The following C12orf43 variants were observed in gnomAD, a reference collection of about 807,000 sequenced individuals.
C12orf43 encodes the protein protein CUSTOS.
In C12orf43, 15 loss-of-function variants were observed where a neutral mutation model predicts 20.6. The ratio of observed to expected loss-of-function variants is 0.73; its 90% CI spans 0.49 to 1.12. The LOEUF (loss-of-function observed/expected upper bound fraction) is 1.12. Ranked by LOEUF, C12orf43 falls within the 50% of genes most tolerant of loss-of-function variation. The probability of loss-of-function intolerance (pLI) is 0.00; values close to 1 mark genes in which losing one functional copy is unlikely to be tolerated. For synonymous variants in C12orf43, 144 were observed against 130.8 expected, an observed-to-expected ratio of 1.10 and a Z score of -0.69; for missense variants, 334 against 344.4, an observed-to-expected ratio of 0.97 and a Z score of 0.24.
chr12:121,012,353 G>A (rs1321938816), intron 1 of C12orf43: 2 of 701,568 alleles, frequency 2.9e-6, no homozygotes, highest in African/African-American at 3.5e-5. Flanking sequence ...GAAGGGCCCT[G>A]ACGTGGGCCA....
Position 121,000,992 on chromosome 12 carries a change from A to G in C12orf43, c.*3161T>C, listed in dbSNP as rs1877424344. The G allele has an allele frequency of 1.9e-6, 3 of 1,598,154 alleles. No homozygotes were observed. The highest frequency in any genetic ancestry group is 2.2e-5 in the South Asian group (2 of 90,512). Reference sequence around the variant, plus strand: ...GTGGCCCTGCCTCCCCATCCTGAGTACCCCTAGGGACAGGCAGGTGGGGTG... The same window carrying G: ...GTGGCCCTGCCTCCCCATCCTGAGTGCCCCTAGGGACAGGCAGGTGGGGTG... On this transcript the variant is annotated 3_prime_UTR_variant, in exon 6 of 6. Coordinates refer to ENST00000288757, the MANE Select transcript of C12orf43 (RefSeq NM_022895.3).
At chr12:121,013,960 C>A (rs1481819228) in intron 1 of C12orf43, among the ~76,000 whole-genome samples, 1 of 152,184 alleles carries the variant, frequency 6.6e-6, no homozygotes, top group Non-Finnish European at 1.5e-5. Context: ...AAACAGACAA[C>A]AAATACAAAG....
In C12orf43 at chr12:121,003,432, G is replaced by T. The variant is rs1033596046; in HGVS notation, c.*721C>A. The T allele has an allele frequency of 1.3e-5, 2 of 152,234 alleles. No individual in the cohort carries two copies. Among genetic ancestry groups the T allele is most frequent in the African/African-American group, 4.8e-5 (2 of 41,426 alleles). The allele number at this position is 152,234 out of a possible 1,614,324, so 9.4% of individuals were successfully genotyped here. A position where few individuals can be genotyped will look rare whatever the true frequency, so the allele number is the denominator to read the frequency against. On this transcript the variant is annotated 3_prime_UTR_variant, in exon 6 of 6. Coordinates refer to ENST00000288757, the MANE Select transcript of C12orf43 (RefSeq NM_022895.3). ...TGGGGTGAACGCACAAATCCTGGGG[G>T]TGTAGAGAGGAGGAGGATGTTTACT...
In C12orf43 at chr12:121,004,345, C is replaced by G. The variant is rs1251745683; in HGVS notation, c.597G>C (p.Lys199Asn). 6.2e-7 allele frequency: 1 copy of G among 1,614,226 alleles called. No homozygotes were observed. Among genetic ancestry groups the G allele is most frequent in the Middle Eastern group, 1.6e-4 (1 of 6,062 alleles). The change falls in exon 6 of 6, where the codon AAG becomes AAC. Residue 199 changes from lysine (K) to asparagine (N), a missense_variant. Lys to Asn is a moderately conservative substitution (Grantham distance 94). Coordinates refer to ENST00000288757, the MANE Select transcript of C12orf43 (RefSeq NM_022895.3). The surrounding 1 kb of genome is among the most constrained non-coding windows in gnomAD (Gnocchi z 5.6). Reference sequence around the variant, plus strand: ...CGACAGCCGAGTCGACACTGGCCACCTTCTTGGCTTTCTTTTTCAACTTCC... The same window carrying G: ...CGACAGCCGAGTCGACACTGGCCACGTTCTTGGCTTTCTTTTTCAACTTCC... ...KKRKLKKKAKKVASVDSAVAA... is the reference protein window; with the variant it reads ...KKRKLKKKAKNVASVDSAVAA...
At chr12:121,008,730 T>G (rs1878210669) in intron 3 of C12orf43, among the ~76,000 whole-genome samples, 1 of 152,220 alleles carries the variant, frequency 6.6e-6, no homozygotes, top group Non-Finnish European at 1.5e-5. Flanking sequence ...GGTTCACACT[T>G]TGGGAAGGCT....
chr12:121,010,755 G>T, intron 3 of C12orf43, 73 bp downstream of exon 3: 8 of 1,233,800 alleles, frequency 6.5e-6, no homozygotes, highest in South Asian at 2.0e-5. Flanking sequence ...GACACCGTGA[G>T]CTCCCAGCCA....
Position 121,000,959 on chromosome 12 carries a change from CAGG to C in C12orf43, c.*3191_*3193del, listed in dbSNP as rs1877421239. The C allele has an allele frequency of 3.4e-6, 5 of 1,474,016 alleles. No individual in the cohort carries two copies. The highest frequency in any genetic ancestry group is 1.7e-5 in the Admixed American group (1 of 59,256). 91.3% of individuals were successfully genotyped at this position (1,474,016 alleles called of 1,614,324 possible). A position where few individuals can be genotyped will look rare whatever the true frequency, so the allele number is the denominator to read the frequency against. On this transcript the variant is annotated 3_prime_UTR_variant, in exon 6 of 6. Coordinates refer to ENST00000288757, the MANE Select transcript of C12orf43 (RefSeq NM_022895.3). ...GGGGTTCCTGTTATCTGCTGTGATC[CAGG>C]AGGTGTGGCCCTGCCTCCCCATCCT...
chr12:121,012,849 TAAAA>T (rs10636003), intron 1 of C12orf43, among the ~76,000 whole-genome samples: 6 of 91,990 alleles, frequency 6.5e-5, no homozygotes, highest in African/African-American at 1.0e-4. Flanking sequence ...AGACTCCGTC[TAAAA>T]AAAAAAAAAA....
chr12:121,014,530 T>C (rs911931748), intron 1 of C12orf43, among the ~76,000 whole-genome samples: 1 of 149,646 alleles, frequency 6.7e-6, no homozygotes, highest in Non-Finnish European at 1.5e-5. Context: ...CTAGGGAGGC[T>C]GAGGCAGGAG....
chr12:121,003,031 C>CT lies in C12orf43; in HGVS notation c.*1121dup, dbSNP rs35535812. ...TTCTACTTCTTTTCTTTTTCTTTTTCTTTTTTTTTTTTTGAGATAGGGTCT... is the reference window on the plus strand; with the variant it reads ...TTCTACTTCTTTTCTTTTTCTTTTTCTTTTTTTTTTTTTTGAGATAGGGTCT... On this transcript the variant is annotated 3_prime_UTR_variant, in exon 6 of 6. Coordinates refer to ENST00000288757, the MANE Select transcript of C12orf43 (RefSeq NM_022895.3). The CT allele has an allele frequency of 0.2, 20,513 of 101,342 alleles. 1,775 individuals carry two copies. The highest frequency in any genetic ancestry group is 0.28 in the South Asian group (650 of 2,282). The allele number at this position is 101,342 out of a possible 1,614,324, so 6.3% of individuals were successfully genotyped here.
At chr12:121,006,552 C>A (rs765765197) in intron 3 of C12orf43, 158 bp from the exon 4 acceptor site, 1 of 652,078 alleles carries the variant, frequency 1.5e-6, no homozygotes, top group Non-Finnish European at 2.7e-6. Context: ...TTATAACATG[C>A]TGACCAGCCT....
intron 3 of C12orf43, among the ~76,000 whole-genome samples, chr12:121,010,524 G>A (rs576066941): frequency 8.5e-5 from 13 of 152,286 alleles, no homozygotes; most frequent in South Asian, 2.1e-4. Context: ...AGGATTAAAT[G>A]AGAAAATGGA....
intron 1 of C12orf43, chr12:121,012,362 C>A (rs2264750): frequency 5.7e-6 from 4 of 701,594 alleles, no homozygotes; most frequent in Admixed American, 4.0e-5. Context: ...TGACGTGGGC[C>A]AATGGGAGGA....
At chr12:121,009,405 G>A (rs1191135826) in intron 3 of C12orf43, among the ~76,000 whole-genome samples, 2 of 152,140 alleles carry the variant, frequency 1.3e-5, no homozygotes, top group Non-Finnish European at 2.9e-5. Flanking sequence ...GTTGTGAGCC[G>A]AGATCACGCC....
intron 3 of C12orf43, chr12:121,006,676 G>A (rs574998232): frequency 2.7e-5 from 10 of 365,058 alleles, no homozygotes; most frequent in African/African-American, 1.5e-4. Context: ...GGTGGCTCAC[G>A]CCTGTAATCC....
In C12orf43 at chr12:121,000,776, T is replaced by C. The variant is rs1233838702; in HGVS notation, c.*3377A>G. 4 of 468,548 alleles carry C rather than the reference T, an allele frequency of 8.5e-6. No individual in the cohort carries two copies. Among genetic ancestry groups the C allele is most frequent in the Non-Finnish European group, 1.6e-5 (4 of 252,018 alleles). 29.0% of individuals were successfully genotyped at this position (468,548 alleles called of 1,614,324 possible). ...AGCAGCGCCTAGATTAGTGTTTGAC[T>C]CAGCCTAGCCAAGCCAACACGTACA... On this transcript the variant is annotated 3_prime_UTR_variant, in exon 6 of 6. Transcript: ENST00000288757.
intron 1 of C12orf43, among the ~76,000 whole-genome samples, chr12:121,013,389 C>T (rs1158641095): frequency 6.6e-6 from 1 of 152,150 alleles, no homozygotes; most frequent in Non-Finnish European, 1.5e-5. Context: ...TGTGTGATGC[C>T]GGGCAAGTCA....
intron 3 of C12orf43, among the ~76,000 whole-genome samples, chr12:121,009,713 A>G (rs2135876967): frequency 6.6e-6 from 1 of 152,288 alleles, no homozygotes; most frequent in South Asian, 2.1e-4. Context: ...AAATGTGAGA[A>G]ATACATTTAT....
At chr12:121,014,776 C>G (rs886176679) in intron 1 of C12orf43, among the ~76,000 whole-genome samples, 1 of 151,204 alleles carries the variant, frequency 6.6e-6, no homozygotes, top group Non-Finnish European at 1.5e-5. Context: ...CCCAGGAGTT[C>G]GAGACCAGCC....
Sources: gnomAD v4.1 joint callset for allele counts (sites outside exome capture counted in the v4.1 genomes callset) on GRCh38, gnomAD v4.1.1 for gene constraint, Gnocchi (gnomAD v3.1) non-coding constraint, MANE v1.5 for transcripts, NCBI Gene and HGNC (gene_info 2026-07-23, HGNC 2026-07-21) for gene names.